Variants in FHIT observed in about 807,000 individuals in gnomAD.
FHIT encodes the protein fragile histidine triad diadenosine triphosphatase.
In FHIT, 19 loss-of-function variants were observed where a neutral mutation model predicts 17.9. The observed-to-expected ratio is 1.06, with a 90% CI of 0.74 to 1.56. FHIT has a LOEUF of 1.56. Ranked by LOEUF, FHIT falls within the 40% of genes most tolerant of loss-of-function variation. The pLI is 0.00. For synonymous variants in FHIT, 81 were observed against 69.7 expected (o/e 1.16, Z -0.81); for missense variants, 248 against 189.2 (o/e 1.31, Z -1.82).
intron 3 of FHIT, among the ~76,000 whole-genome samples, chr3:60,955,554 T>C (rs961543727): frequency 4.5e-5 from 6 of 132,752 alleles, no homozygotes; most frequent in African/African-American, 2.9e-5. Context: ...AACCATTTTA[T>C]AATACTTAAA....
chr3:60,552,247 T>C (rs1382084830), intron 4 of FHIT, among the ~76,000 whole-genome samples: 1 of 152,240 alleles, frequency 6.6e-6, no homozygotes, highest in Non-Finnish European at 1.5e-5. Context: ...GATGGACATT[T>C]GTTACTACAT....
intron 5 of FHIT, among the ~76,000 whole-genome samples, chr3:60,502,182 C>A (rs181289072): frequency 3.3e-4 from 51 of 152,246 alleles, no homozygotes; most frequent in Middle Eastern, 6.8e-3. Flanking sequence ...CAGTTAAGAC[C>A]TAAGATCTTA....
intron 5 of FHIT, among the ~76,000 whole-genome samples, chr3:60,315,405 CCT>C (rs1322427465): frequency 6.6e-6 from 1 of 152,136 alleles, no homozygotes; most frequent in Non-Finnish European, 1.5e-5. Flanking sequence ...TTTCCAGAAG[CCT>C]CTCTCTGACC....
intron 2 of FHIT, among the ~76,000 whole-genome samples, chr3:61,175,303 C>T (rs1420997048): frequency 6.6e-6 from 1 of 152,106 alleles, no homozygotes; most frequent in Non-Finnish European, 1.5e-5. Flanking sequence ...TACTCCCGAG[C>T]CACCACAAAC....
intron 5 of FHIT, among the ~76,000 whole-genome samples, chr3:60,432,321 C>G (rs1273625576): frequency 6.6e-6 from 1 of 151,972 alleles, no homozygotes; most frequent in African/African-American, 2.4e-5. Context: ...GTTTTTGACA[C>G]ATTGTAGGCA....
chr3:60,630,543 C>A (rs1489780061), intron 4 of FHIT, among the ~76,000 whole-genome samples: 1 of 152,136 alleles, frequency 6.6e-6, no homozygotes, highest in Non-Finnish European at 1.5e-5. Flanking sequence ...ACTGTACCAC[C>A]ACCACAAGCC....
chr3:59,992,541 C>G (rs543643399), intron 7 of FHIT, among the ~76,000 whole-genome samples: 4 of 152,164 alleles, frequency 2.6e-5, no homozygotes, highest in Admixed American at 1.3e-4. Flanking sequence ...ACATTACTCC[C>G]AGAGACTGGA....
At chr3:60,063,649 T>A (rs948887421) in intron 5 of FHIT, among the ~76,000 whole-genome samples, 6 of 152,218 alleles carry the variant, frequency 3.9e-5, no homozygotes, top group African/African-American at 1.2e-4. Flanking sequence ...AGAGAACATT[T>A]CTTGCATATC....
In FHIT at chr3:59,974,361, C is replaced by G. The variant is rs918034629; in HGVS notation, c.279+37010G>C. On this transcript the variant is annotated intron_variant, in intron 7 of 9. Transcript: ENST00000492590. ...AAATGGTGAAATTTGTCTTTAAACA[C>G]TGCTTCTAAATGTGTTGGTTAGATG... is the stretch of plus-strand genomic sequence containing the variant. Among the ~76,000 whole-genome samples, 7 of 152,178 alleles carry G rather than the reference C, an allele frequency of 4.6e-5. No homozygotes were observed. In the South Asian group the frequency reaches 8.3e-4, roughly 18 times the overall value.
At chr3:59,826,492 C>T (rs1295948213) in intron 8 of FHIT, among the ~76,000 whole-genome samples, 3 of 149,026 alleles carry the variant, frequency 2.0e-5, no homozygotes, top group Non-Finnish European at 4.6e-5. Flanking sequence ...GCTCCTCTCA[C>T]CATCTACTCA....
chr3:59,954,004 G>C (rs1231881887), intron 7 of FHIT, among the ~76,000 whole-genome samples: 1 of 152,182 alleles, frequency 6.6e-6, no homozygotes, highest in African/African-American at 2.4e-5. Context: ...GGAGGAATTT[G>C]TGAAACTTGT....
chr3:60,640,257 T>C lies in FHIT; in HGVS notation c.-17-103278A>G, dbSNP rs1424339377. 2.0e-5 allele frequency among the ~76,000 whole-genome samples: 3 copies of C among 152,172 alleles called. No individual in the cohort carries two copies. In the East Asian group the frequency reaches 5.8e-4, roughly 29 times the overall value. On this transcript the variant is annotated intron_variant, in intron 4 of 9. Transcript: ENST00000492590. ...TAAAGCTCAATGAATGAATTTTACA[T>C]GGGCACAGTTTATTATATACACACT...
chr3:61,020,075 G>A (rs1165669950), intron 3 of FHIT, among the ~76,000 whole-genome samples: 1 of 152,070 alleles, frequency 6.6e-6, no homozygotes, highest in African/African-American at 2.4e-5. Context: ...GCTGGGTCAA[G>A]TGGTATTTCT....
At chr3:60,974,081 T>G (rs914916063) in intron 3 of FHIT, among the ~76,000 whole-genome samples, 3 of 152,322 alleles carry the variant, frequency 2.0e-5, no homozygotes, top group Admixed American at 6.5e-5. Context: ...CCTGGCTCAC[T>G]ACATATTTGT....
At chr3:60,017,193 T>C (rs1700374767) in intron 5 of FHIT, among the ~76,000 whole-genome samples, 1 of 152,138 alleles carries the variant, frequency 6.6e-6, no homozygotes, top group African/African-American at 2.4e-5. Context: ...ACTGTTTTCA[T>C]TAAATAGAAG....
At chr3:60,265,011 G>A (rs942666056) in intron 5 of FHIT, among the ~76,000 whole-genome samples, 2 of 151,568 alleles carry the variant, frequency 1.3e-5, no homozygotes, top group African/African-American at 4.8e-5. Flanking sequence ...AATTTTCACC[G>A]GCTTGGGGGT....
At chr3:60,815,099 T>A (rs1331751999) in intron 4 of FHIT, among the ~76,000 whole-genome samples, 3 of 152,068 alleles carry the variant, frequency 2.0e-5, no homozygotes, top group Non-Finnish European at 2.9e-5. Context: ...GGTTGGTTTT[T>A]GCTTGTTCAA....
At chr3:60,177,126 T>G (rs1440751097) in intron 5 of FHIT, among the ~76,000 whole-genome samples, 3 of 152,118 alleles carry the variant, frequency 2.0e-5, no homozygotes, top group Non-Finnish European at 1.5e-5. Flanking sequence ...TTTGTGAATT[T>G]ATGTACAAAA....
chr3:60,497,178 A>G (rs1013789227), intron 5 of FHIT, among the ~76,000 whole-genome samples: 2 of 152,004 alleles, frequency 1.3e-5, no homozygotes, highest in African/African-American at 4.8e-5. Flanking sequence ...CTTACAGTGC[A>G]CAGGACAGCC....
Sources: allele counts gnomAD v4.1 joint callset (sites outside exome capture counted in the v4.1 genomes callset), GRCh38; gene constraint gnomAD v4.1.1; transcripts MANE v1.5; gene names NCBI Gene and HGNC (gene_info 2026-07-23, HGNC 2026-07-21).